The following ZFAND3 variants were observed in gnomAD, a reference collection of about 807,000 sequenced individuals.
ZFAND3 encodes zinc finger AN1-type containing 3, also known as AN1-type zinc finger protein 3.
A neutral mutation model predicts 29.6 loss-of-function variants in ZFAND3; 10 were observed. The ratio of observed to expected loss-of-function variants is 0.34; its 90% CI spans 0.21 to 0.57. ZFAND3 has a LOEUF of 0.57. Among genes scored for constraint, ZFAND3 ranks in the 20% least tolerant of loss-of-function variants. The pLI, the probability that ZFAND3 is intolerant of heterozygous loss-of-function variation, is 0.86. For synonymous variants in ZFAND3, 128 were observed against 112.6 expected (o/e 1.14, Z -0.87); for missense variants, 230 against 304.5 (o/e 0.76, Z 1.82).
chr6:37,937,239 T>A (rs985776315), intron 2 of ZFAND3, among the ~76,000 whole-genome samples: 16 of 152,224 alleles, frequency 1.1e-4, no homozygotes, highest in African/African-American at 3.9e-4. Context: ...CTTTTAGAAA[T>A]GTAGGAACTC....
intron 4 of ZFAND3, among the ~76,000 whole-genome samples, chr6:38,088,998 C>A (rs965650323): frequency 6.6e-6 from 1 of 152,072 alleles, no homozygotes. Context: ...TCCCTATTTT[C>A]GGTCACCTGT....
intron 1 of ZFAND3, among the ~76,000 whole-genome samples, chr6:37,900,050 T>C (rs1765291530): frequency 6.6e-6 from 1 of 152,332 alleles, no homozygotes; most frequent in Non-Finnish European, 1.5e-5. Context: ...TGTAGAATTA[T>C]TCTTTTGGGT....
chr6:37,861,788 T>G (rs1158593062), intron 1 of ZFAND3, among the ~76,000 whole-genome samples: 1 of 152,250 alleles, frequency 6.6e-6, no homozygotes, highest in African/African-American at 2.4e-5. Flanking sequence ...AAAATTTACT[T>G]AGAAATACTT....
chr6:38,046,340 A>G (rs1452807615), intron 2 of ZFAND3, among the ~76,000 whole-genome samples: 2 of 152,232 alleles, frequency 1.3e-5, no homozygotes, highest in African/African-American at 2.4e-5. Flanking sequence ...ATCACATGCT[A>G]TTAAATATTT....
chr6:37,995,987 G>T (rs1485949821), intron 2 of ZFAND3, among the ~76,000 whole-genome samples: 1 of 151,804 alleles, frequency 6.6e-6, no homozygotes, highest in Non-Finnish European at 1.5e-5. Flanking sequence ...AAATTAGCCG[G>T]GCGTGGTGGT....
At chr6:37,945,847 T>A (rs577751559) in intron 2 of ZFAND3, among the ~76,000 whole-genome samples, 1 of 152,352 alleles carries the variant, frequency 6.6e-6, no homozygotes, top group East Asian at 1.9e-4. Context: ...GTCAATACTC[T>A]GAGTTTATGA....
At chr6:37,854,603 C>T (rs1396949691) in intron 1 of ZFAND3, among the ~76,000 whole-genome samples, 6 of 152,058 alleles carry the variant, frequency 3.9e-5, no homozygotes, top group Admixed American at 2.6e-4. Context: ...TTAATTATTT[C>T]CTTTCTTCCT....
chr6:37,838,554 C>T (rs887927621), intron 1 of ZFAND3, among the ~76,000 whole-genome samples: 1 of 152,226 alleles, frequency 6.6e-6, no homozygotes, highest in Non-Finnish European at 1.5e-5. Context: ...CAGTTCTGGA[C>T]ATTTCACATA....
At chr6:37,836,609 C>G (rs1234104658) in intron 1 of ZFAND3, among the ~76,000 whole-genome samples, 1 of 152,086 alleles carries the variant, frequency 6.6e-6, no homozygotes, top group Non-Finnish European at 1.5e-5. Flanking sequence ...AGTATTCTGG[C>G]CCAGCATGGT....
chr6:38,101,582 TG>T (rs1286240814), intron 4 of ZFAND3, among the ~76,000 whole-genome samples: 2 of 152,090 alleles, frequency 1.3e-5, no homozygotes, highest in African/African-American at 2.4e-5. Context: ...AAGACCAGCC[TG>T]GCCAACATGG....
chr6:38,112,092 T>A (rs537597943), intron 4 of ZFAND3, among the ~76,000 whole-genome samples: 1 of 152,310 alleles, frequency 6.6e-6, no homozygotes, highest in Non-Finnish European at 1.5e-5. Context: ...TTTCCTTCCT[T>A]ATTTAATCAC....
chr6:37,855,996 T>C (rs1029672159), intron 1 of ZFAND3, among the ~76,000 whole-genome samples: 1 of 152,004 alleles, frequency 6.6e-6, no homozygotes, highest in African/African-American at 2.4e-5. Flanking sequence ...CATAAAACCT[T>C]GGTGGTAGTT....
chr6:38,092,096 A>G (rs1216728388), intron 4 of ZFAND3, among the ~76,000 whole-genome samples: 4 of 152,176 alleles, frequency 2.6e-5, no homozygotes, highest in Non-Finnish European at 5.9e-5. Context: ...TCTGCTTCCA[A>G]GGCACCCCCC....
chr6:38,152,806 A>C lies in ZFAND3; in HGVS notation c.*417A>C. On this transcript the variant is annotated 3_prime_UTR_variant, in exon 6 of 6. Coordinates refer to ENST00000287218, the MANE Select transcript of ZFAND3 (RefSeq NM_021943.3). ...CATGGCTTTGCCAGAAACTCTGTTT[A>C]ATGATCGGCCTTTCACCTCTTCACT... 3.0e-6 allele frequency: 3 copies of C among 987,966 alleles called. No individual in the cohort carries two copies. Among genetic ancestry groups the C allele is most frequent in the Non-Finnish European group, 3.6e-6 (3 of 831,448 alleles). The allele number at this position is 987,966 out of a possible 1,614,324, so 61.2% of individuals were successfully genotyped here.
intron 2 of ZFAND3, among the ~76,000 whole-genome samples, chr6:37,979,112 A>G (rs1762537749): frequency 6.6e-6 from 1 of 150,892 alleles, no homozygotes; most frequent in Non-Finnish European, 1.5e-5. Flanking sequence ...ATTTGTTCTT[A>G]TTTTCTTTCT....
chr6:38,023,958 G>A (rs1002668452), intron 2 of ZFAND3, among the ~76,000 whole-genome samples: 5 of 152,034 alleles, frequency 3.3e-5, no homozygotes, highest in Admixed American at 6.6e-5. Flanking sequence ...GGTCAAAGCT[G>A]TAGGGCACTA....
At chr6:37,874,142 C>T (rs1764749434) in intron 1 of ZFAND3, among the ~76,000 whole-genome samples, 1 of 152,190 alleles carries the variant, frequency 6.6e-6, no homozygotes, top group Non-Finnish European at 1.5e-5. Flanking sequence ...CCAGGACCTT[C>T]TTCTTGGTTT....
At chr6:37,886,434 T>C (rs1458665258) in intron 1 of ZFAND3, among the ~76,000 whole-genome samples, 2 of 152,138 alleles carry the variant, frequency 1.3e-5, no homozygotes, top group Non-Finnish European at 2.9e-5. Context: ...ATTAGGAATT[T>C]AGATTTGATT....
At chr6:38,105,187 G>A (rs1320899460) in intron 4 of ZFAND3, among the ~76,000 whole-genome samples, 1 of 152,176 alleles carries the variant, frequency 6.6e-6, no homozygotes, top group East Asian at 1.9e-4. Flanking sequence ...TTATTAGGAA[G>A]CTTAACTTTA....
Sources: gnomAD v4.1 joint callset for allele counts (sites outside exome capture counted in the v4.1 genomes callset) on GRCh38, gnomAD v4.1.1 for gene constraint, MANE v1.5 for transcripts, NCBI Gene and HGNC (gene_info 2026-07-23, HGNC 2026-07-21) for gene names.